SIL1: variants seen among roughly 807,000 people sequenced by gnomAD.
The protein encoded by SIL1 is nucleotide exchange factor SIL1.
Under a neutral mutation model 49.1 loss-of-function variants are expected in SIL1, and 40 were observed. The observed-to-expected ratio is 0.81, with a 90% CI of 0.63 to 1.06. The LOEUF (loss-of-function observed/expected upper bound fraction) is 1.06. Ranked by LOEUF, SIL1 falls within the 50% of genes least tolerant of loss-of-function variation. SIL1 has a pLI of 0.00. For missense variants in SIL1, 500 were observed against 572.6 expected (o/e 0.87, Z 1.29); for synonymous variants, 253 against 250.8 (o/e 1.01, Z -0.08).
At chr5:139,103,101 C>T (rs958895744) in intron 3 of SIL1, among the ~76,000 whole-genome samples, 4 of 152,058 alleles carry the variant, frequency 2.6e-5, no homozygotes, top group African/African-American at 7.2e-5. Context: ...AGGCATTAGG[C>T]GCTCAGTAAA....
rs559593151 is a variant in SIL1 at position 139,147,040 on chromosome 5, A to C, written c.-10-19187T>G. On this transcript the variant is annotated intron_variant, in intron 1 of 9. Transcript: ENST00000394817. ...TAGATCTAACACACAGCAAGCACTC[A>C]GTAAAGGTATAGCTGATGAACAAAT... 3.3e-5 allele frequency among the ~76,000 whole-genome samples: 5 copies of C among 152,318 alleles called. No homozygotes were observed. The South Asian group carries it at 1.0e-3, about 32-fold the overall frequency.
intron 1 of SIL1, among the ~76,000 whole-genome samples, chr5:139,185,071 G>C (rs1224549940): frequency 6.6e-6 from 1 of 152,174 alleles, no homozygotes; most frequent in Non-Finnish European, 1.5e-5. Flanking sequence ...TTCCCAGCCA[G>C]GGCCACTGCT....
chr5:139,143,896 A>G (rs542396144), intron 1 of SIL1, among the ~76,000 whole-genome samples: 49 of 152,358 alleles, frequency 3.2e-4, no homozygotes, highest in Middle Eastern at 3.4e-3. Context: ...AAGACTTTAC[A>G]CTGAAAACTA....
intron 6 of SIL1, among the ~76,000 whole-genome samples, chr5:139,025,223 T>G: frequency 6.6e-6 from 1 of 152,174 alleles, no homozygotes; most frequent in Non-Finnish European, 1.5e-5. Context: ...CCTTGTTAGC[T>G]CCACCTTTTG....
At chr5:138,982,512 A>T (rs1767550039) in intron 7 of SIL1, among the ~76,000 whole-genome samples, 1 of 152,244 alleles carries the variant, frequency 6.6e-6, no homozygotes, top group South Asian at 2.1e-4. Flanking sequence ...ACTGGCAGTG[A>T]TACAACATTT....
At chr5:138,987,436 C>A (rs1390377292) in intron 7 of SIL1, among the ~76,000 whole-genome samples, 1 of 152,078 alleles carries the variant, frequency 6.6e-6, no homozygotes. Context: ...GACCAGAGGA[C>A]TTAACCTAAA....
At chr5:138,992,186 T>A (rs1192859996) in intron 7 of SIL1, among the ~76,000 whole-genome samples, 1 of 152,184 alleles carries the variant, frequency 6.6e-6, no homozygotes. Context: ...TCCCTCCCTA[T>A]CATTACCTAT....
At chr5:138,957,982 C>T (rs905394778) in intron 7 of SIL1, among the ~76,000 whole-genome samples, 3 of 151,436 alleles carry the variant, frequency 2.0e-5, no homozygotes, top group Non-Finnish European at 2.9e-5. Flanking sequence ...TCTTGAACTC[C>T]TCCTAGCTTC....
chr5:139,097,247 G>A (rs760873537), intron 3 of SIL1, among the ~76,000 whole-genome samples: 1 of 151,976 alleles, frequency 6.6e-6, no homozygotes, highest in Non-Finnish European at 1.5e-5. Context: ...TGCCGTCTGG[G>A]AATGATGTCC....
At chr5:139,001,083 G>T (rs180733972) in intron 7 of SIL1, among the ~76,000 whole-genome samples, 3,239 of 151,934 alleles carry the variant, frequency 0.021, 84 homozygotes, top group African/African-American at 0.063. Flanking sequence ...TGTGTGTGTG[G>T]GGGGGGAAAC....
chr5:139,030,954 CTTGA>C (rs1768778182), intron 5 of SIL1, among the ~76,000 whole-genome samples: 1 of 152,074 alleles, frequency 6.6e-6, no homozygotes, highest in Non-Finnish European at 1.5e-5. Context: ...TAATTTTTCC[CTTGA>C]TTATGTTAAG....
intron 1 of SIL1, among the ~76,000 whole-genome samples, chr5:139,162,717 T>G (rs944047412): frequency 6.6e-6 from 1 of 152,198 alleles, no homozygotes; most frequent in African/African-American, 2.4e-5. Flanking sequence ...CAAATGTTGT[T>G]TGATCATCTA....
intron 5 of SIL1, among the ~76,000 whole-genome samples, chr5:139,040,949 GA>G (rs1311179778): frequency 6.6e-6 from 1 of 152,160 alleles, no homozygotes; most frequent in African/African-American, 2.4e-5. Flanking sequence ...CACTCCCAGG[GA>G]AAGCAAAGAG....
rs1768773846 is a variant in SIL1 at position 139,030,811 on chromosome 5, T to C, written c.454-3819A>G. ...TTGTGCCCGGCATAATTCTAAATGT[T>C]TCTAATGTTTTAAATTACAGTGTGC... On this transcript the variant is annotated intron_variant, in intron 5 of 9. Transcript: ENST00000394817. Among the ~76,000 whole-genome samples the C allele has an allele frequency of 2.6e-5, 4 of 152,168 alleles. No homozygotes were observed. In the South Asian group the frequency reaches 8.3e-4, roughly 32 times the overall value.
chr5:139,112,638 G>A (rs1770886116), intron 3 of SIL1, among the ~76,000 whole-genome samples: 1 of 150,514 alleles, frequency 6.6e-6, no homozygotes, highest in African/African-American at 2.4e-5. Flanking sequence ...GGAGGTGGGG[G>A]CCAGCCCCCG....
At chr5:138,986,958 T>C (rs1735603143) in intron 7 of SIL1, among the ~76,000 whole-genome samples, 1 of 152,066 alleles carries the variant, frequency 6.6e-6, no homozygotes. Flanking sequence ...CTCCTGAGAT[T>C]GGATCAGACA....
At chr5:139,015,014 G>A (rs1768368271) in intron 7 of SIL1, among the ~76,000 whole-genome samples, 1 of 152,130 alleles carries the variant, frequency 6.6e-6, no homozygotes, top group Non-Finnish European at 1.5e-5. Flanking sequence ...AAAGGGTCAA[G>A]GTGCGGTATC....
At chr5:138,980,729 G>GA (rs1232675571) in intron 7 of SIL1, among the ~76,000 whole-genome samples, 1 of 152,228 alleles carries the variant, frequency 6.6e-6, no homozygotes, top group Non-Finnish European at 1.5e-5. Context: ...CAATTAGAAA[G>GA]AAAGGGTGGT....
chr5:139,160,470 A>G (rs980458481), intron 1 of SIL1, among the ~76,000 whole-genome samples: 3 of 152,208 alleles, frequency 2.0e-5, no homozygotes, highest in Admixed American at 2.0e-4. Flanking sequence ...TGTTCTACCA[A>G]AAAACTACCT....
Sources: gnomAD v4.1 joint callset for allele counts (sites outside exome capture counted in the v4.1 genomes callset) on GRCh38, gnomAD v4.1.1 for gene constraint, MANE v1.5 for transcripts, NCBI Gene and HGNC (gene_info 2026-07-23, HGNC 2026-07-21) for gene names.